The following XKR3 variants were observed in gnomAD, a reference collection of about 807,000 sequenced individuals.
XKR3 encodes the protein XK-related protein 3.
In XKR3, 27 loss-of-function variants were observed where a neutral mutation model predicts 40.3. The ratio of observed to expected loss-of-function variants is 0.67; its 90% CI spans 0.49 to 0.92. The LOEUF is 0.92. Among genes scored for constraint, XKR3 ranks in the 40% least tolerant of loss-of-function variants. The pLI is 0.00. For missense variants in XKR3, 472 were observed against 537.6 expected (o/e 0.88, Z 1.21); for synonymous variants, 193 against 195.4 (o/e 0.99, Z 0.10).
At chr22:16,820,251 T>C (rs2060250138) in intron 1 of XKR3, among the ~76,000 whole-genome samples, 1 of 152,146 alleles carries the variant, frequency 6.6e-6, no homozygotes, top group African/African-American at 2.4e-5. Flanking sequence ...TCTTCAATTG[T>C]GAATGTTCAA....
intron 3 of XKR3, among the ~76,000 whole-genome samples, chr22:16,792,377 G>A (rs1329113259): frequency 2.0e-5 from 3 of 152,172 alleles, no homozygotes; most frequent in Non-Finnish European, 4.4e-5. Flanking sequence ...ACAAATACAC[G>A]CAGTCTACAG....
At chr22:16,820,441 G>A (rs897761401) in intron 1 of XKR3, among the ~76,000 whole-genome samples, 1 of 152,100 alleles carries the variant, frequency 6.6e-6, no homozygotes, top group African/African-American at 2.4e-5. Context: ...CAGATCTACT[G>A]ACAAGTAAAA....
intron 3 of XKR3, among the ~76,000 whole-genome samples, chr22:16,788,561 A>G (rs2060100929): frequency 6.6e-6 from 1 of 152,112 alleles, no homozygotes; most frequent in African/African-American, 2.4e-5. Context: ...CCACTAAAAA[A>G]TAACTACTAT....
chr22:16,783,662 C>T lies in XKR3; in HGVS notation c.1337G>A (p.Arg446Lys). Residue 446 changes from arginine to lysine, a missense_variant, in exon 4 of 4, where the codon AGG (arginine) becomes AAG (lysine). Transcript: ENST00000684488. ...TTTTCTGATTGAAAAATATCCAACC[C>T]TATTGCAGGAGTGACAGTAATTCCT... ...QLRNYCHSCN[R>K]VGYFSIRKSM... 6.2e-7 allele frequency: 1 copy of T among 1,609,414 alleles called. No individual in the cohort carries two copies. Among genetic ancestry groups the T allele is most frequent in the Non-Finnish European group, 8.5e-7 (1 of 1,178,702 alleles).
At chr22:16,824,633 TA>T (rs1314901837) in intron 1 of XKR3, among the ~76,000 whole-genome samples, 9 of 152,060 alleles carry the variant, frequency 5.9e-5, no homozygotes, top group African/African-American at 2.2e-4. Flanking sequence ...GGCCTCAGGA[TA>T]GGGGAAAAAT....
rs750668264 is a variant in XKR3, at chr22:16,786,256, G to GCACACA, written c.590-1853_590-1848dup. On this transcript the variant is annotated intron_variant, in intron 3 of 3. Coordinates refer to ENST00000684488, the MANE Select transcript of XKR3 (RefSeq NM_001386955.1). ...GAAAACCTGTATCTACAAAACGCGT[G>GCACACA]CACACACACACACACACAAATACAC... 5.7e-4 allele frequency among the ~76,000 whole-genome samples: 85 copies of GCACACA among 148,700 alleles called. 1 individual carries two copies. The highest frequency in any genetic ancestry group is 1.1e-3 in the South Asian group (5 of 4,642).
At chr22:16,790,185 C>T (rs1410361175) in intron 3 of XKR3, among the ~76,000 whole-genome samples, 1 of 150,968 alleles carries the variant, frequency 6.6e-6, no homozygotes, top group East Asian at 1.9e-4. Flanking sequence ...GTAATGAAAA[C>T]CCTAAACTGT....
rs570015226 is a variant in XKR3 at position 16,791,559 on chromosome 22, G to C, written c.590-7150C>G. On this transcript the variant is annotated intron_variant, in intron 3 of 3. Coordinates refer to ENST00000684488, the MANE Select transcript of XKR3 (RefSeq NM_001386955.1). ...TCTTACCAAAATAAAAAAAAAAACA[G>C]ATAACTACGTGAGAAAATGCATTTG... Among the ~76,000 whole-genome samples the C allele has an allele frequency of 3.7e-4, 55 of 150,564 alleles. 3 individuals carry two copies. In the South Asian group the frequency reaches 0.011, roughly 31 times the overall value.
At chr22:16,816,350 T>C (rs1370176627) in intron 1 of XKR3, among the ~76,000 whole-genome samples, 3 of 138,770 alleles carry the variant, frequency 2.2e-5, no homozygotes, top group Non-Finnish European at 3.2e-5. Flanking sequence ...TTAATTACCA[T>C]ATTTTTACAC....
intron 1 of XKR3, among the ~76,000 whole-genome samples, chr22:16,824,573 G>A (rs1295508700): frequency 2.0e-5 from 3 of 151,962 alleles, no homozygotes; most frequent in African/African-American, 7.3e-5. Flanking sequence ...GTAGGCGAGG[G>A]GTATAAAGGA....
chr22:16,800,159 C>A, intron 2 of XKR3, 135 bp from the exon 3 acceptor site: 1 of 1,004,460 alleles, frequency 1.0e-6, no homozygotes, highest in Non-Finnish European at 1.4e-6. Flanking sequence ...CTTAATCACA[C>A]TGGATAAAAA....
chr22:16,816,992 T>C (rs1277195998), intron 1 of XKR3, among the ~76,000 whole-genome samples: 1 of 152,074 alleles, frequency 6.6e-6, no homozygotes, highest in Non-Finnish European at 1.5e-5. Flanking sequence ...AATTTCAAAA[T>C]GAAATGTGAC....
intron 1 of XKR3, among the ~76,000 whole-genome samples, chr22:16,818,798 C>T (rs995579796): frequency 2.0e-5 from 3 of 152,046 alleles, no homozygotes; most frequent in Non-Finnish European, 4.4e-5. Context: ...CCCAGGTCCA[C>T]CCAACAACAA....
intron 1 of XKR3, among the ~76,000 whole-genome samples, chr22:16,824,021 A>C (rs1450112138): frequency 6.6e-6 from 1 of 152,176 alleles, no homozygotes; most frequent in Non-Finnish European, 1.5e-5. Flanking sequence ...AAAACAAAAC[A>C]AAACAACAAC....
rs1270098756 is a variant in XKR3 at position 16,825,286 on chromosome 22, C to T, written c.-11+5G>A. 1.3e-5 allele frequency among the ~76,000 whole-genome samples: 2 copies of T among 152,206 alleles called. No individual in the cohort carries two copies. Among genetic ancestry groups the T allele is most frequent in the Non-Finnish European group, 2.9e-5 (2 of 68,040 alleles). On this transcript the variant is annotated splice_donor_5th_base_variant and intron_variant, in intron 1 of 3. Transcript: ENST00000684488. ...CTGAGATGGTCGAGGGCTGCTCCTA[C>T]TTACCTTGCCTATTTGCCACCCTCA...
chr22:16,790,718 T>C (rs757143044), intron 3 of XKR3, among the ~76,000 whole-genome samples: 17 of 152,000 alleles, frequency 1.1e-4, no homozygotes, highest in Non-Finnish European at 2.1e-4. Flanking sequence ...AGTTAAATTT[T>C]AAAAATTAGA....
intron 3 of XKR3, among the ~76,000 whole-genome samples, chr22:16,792,067 G>A (rs1207170124): frequency 2.6e-5 from 4 of 151,952 alleles, no homozygotes; most frequent in Non-Finnish European, 4.4e-5. Flanking sequence ...TCAGCCTACC[G>A]AATAGTTGAG....
chr22:16,799,873 AAG>A lies in XKR3; in HGVS notation c.485_486del (p.Ala162ValfsTer34). On this transcript the variant is annotated frameshift_variant, in exon 3 of 4. Transcript: ENST00000684488. LOFTEE classifies it high-confidence loss of function. ...SIRDNFMQQK[A>X]FKYMSVIQAF... ...GCCTGAATCACTGACATGTACTTGA[AAG>A]CCTTCTGCTGCATGAAATTATCCCG... 1 of 1,614,152 alleles carries A rather than the reference AAG, an allele frequency of 6.2e-7. No homozygotes were observed. The highest frequency in any genetic ancestry group is 8.5e-7 in the Non-Finnish European group (1 of 1,180,028).
chr22:16,808,227 C>T (rs2060198583), intron 1 of XKR3, 144 bp from the exon 2 acceptor site: 13 of 579,968 alleles, frequency 2.2e-5, no homozygotes, highest in Non-Finnish European at 3.5e-5. Context: ...ATAGAAAAAT[C>T]CATGTCTGGT....
Sources: allele counts gnomAD v4.1 joint callset (sites outside exome capture counted in the v4.1 genomes callset), GRCh38; gene constraint gnomAD v4.1.1; transcripts MANE v1.5; gene names NCBI Gene and HGNC (gene_info 2026-07-23, HGNC 2026-07-21).